OR1M1: variants seen among roughly 807,000 people sequenced by gnomAD.
OR1M1 encodes olfactory receptor family 1 subfamily M member 1.
For synonymous variants in OR1M1, 157 were observed against 165.5 expected (o/e 0.95, Z 0.39); for missense variants, 397 against 401.8 (o/e 0.99, Z 0.10).
In OR1M1 at chr19:9,093,222, A is replaced by C. The variant is rs1254016503; in HGVS notation, c.-13-10A>C. On this transcript the variant is annotated splice_polypyrimidine_tract_variant and intron_variant, in intron 1 of 1. Transcript: ENST00000641627. ...GTCATTCCTATAACCTCCCCTTTCCATACTTCCAGAGGAATCACACCCATG... is the reference window on the plus strand; with the variant it reads ...GTCATTCCTATAACCTCCCCTTTCCCTACTTCCAGAGGAATCACACCCATG... The C allele has an allele frequency of 6.5e-7, 1 of 1,530,236 alleles. No homozygotes were observed. Among genetic ancestry groups the C allele is most frequent in the South Asian group, 1.2e-5 (1 of 82,362 alleles). 94.8% of individuals were successfully genotyped at this position (1,530,236 alleles called of 1,614,324 possible). A position where few individuals can be genotyped will look rare whatever the true frequency, so the allele number is the denominator to read the frequency against.
At position 9,093,910 on chromosome 19, in the gene OR1M1, T is replaced by C; in HGVS notation, c.666T>C (p.Leu222=). 1 of 1,614,180 alleles carries C rather than the reference T, an allele frequency of 6.2e-7. No homozygotes were observed. The highest frequency in any genetic ancestry group is 8.5e-7 in the Non-Finnish European group (1 of 1,180,036). ...VCILASYARI[L]VAIMKVPSAG... ...TCCTGGCCTCCTATGCTCGCATCCT[T>C]GTGGCCATCATGAAGGTCCCCTCTG... Residue 222 remains leucine (L), a synonymous_variant, in exon 2 of 2, where the codon CTT becomes CTC. Transcript: ENST00000641627.
intron 1 of OR1M1, chr19:9,093,031 C>CTA (rs1357935929): frequency 3.7e-5 from 12 of 322,006 alleles, no homozygotes; most frequent in African/African-American, 1.6e-4. Flanking sequence ...CTCTCTCTCT[C>CTA]TCTCTCTATA....
chr19:9,094,519 C>T lies in OR1M1; in HGVS notation c.*333C>T, dbSNP rs1260481780. ...GGATTACAGGTGTGAGCTACCACGC[C>T]GAGCCTCACTTTGAATTTTTTGTTT... On this transcript the variant is annotated 3_prime_UTR_variant, in exon 2 of 2. Coordinates refer to ENST00000641627, the MANE Select transcript of OR1M1 (RefSeq NM_001004456.2). 5.6e-5 allele frequency: 11 copies of T among 196,358 alleles called. No homozygotes were observed. The East Asian group carries it at 1.4e-3, about 25-fold the overall frequency. 12.2% of individuals were successfully genotyped at this position (196,358 alleles called of 1,614,324 possible). A position where few individuals can be genotyped will look rare whatever the true frequency, so the allele number is the denominator to read the frequency against.
At position 9,094,516 on chromosome 19, in the gene OR1M1, C is replaced by T. The variant is rs766812560; in HGVS notation, c.*330C>T. 3.0e-5 allele frequency: 6 copies of T among 200,688 alleles called. No individual in the cohort carries two copies. The highest frequency in any genetic ancestry group is 2.0e-3 in the Middle Eastern group (1 of 504). 12.4% of individuals were successfully genotyped at this position (200,688 alleles called of 1,614,324 possible). ...CTAGGATTACAGGTGTGAGCTACCA[C>T]GCCGAGCCTCACTTTGAATTTTTTG... On this transcript the variant is annotated 3_prime_UTR_variant, in exon 2 of 2. Coordinates refer to ENST00000641627, the MANE Select transcript of OR1M1 (RefSeq NM_001004456.2).
At position 9,095,269 on chromosome 19, in the gene OR1M1, T is replaced by C. The variant is rs1210219721; in HGVS notation, c.*1083T>C. The C allele has an allele frequency of 6.6e-6, 1 of 152,254 alleles. No homozygotes were observed. Among genetic ancestry groups the C allele is most frequent in the Non-Finnish European group, 1.5e-5 (1 of 68,074 alleles). The allele number at this position is 152,254 out of a possible 1,614,324, so 9.4% of individuals were successfully genotyped here. On this transcript the variant is annotated 3_prime_UTR_variant, in exon 2 of 2. Coordinates refer to ENST00000641627, the MANE Select transcript of OR1M1 (RefSeq NM_001004456.2). ...CCACGCAGTCTGCGGTGTTTTGTTATAACCAGCCCTGGCCGAATAACACAG... is the reference window on the plus strand; with the variant it reads ...CCACGCAGTCTGCGGTGTTTTGTTACAACCAGCCCTGGCCGAATAACACAG...
chr19:9,091,692 G>A (rs752736815), intron 1 of OR1M1, among the ~76,000 whole-genome samples: 4 of 151,920 alleles, frequency 2.6e-5, no homozygotes, highest in African/African-American at 4.8e-5. Flanking sequence ...AAGGAAGTTC[G>A]ACTTGTAGAG....
In OR1M1 at chr19:9,093,376, C is replaced by T. The variant is rs139044493; in HGVS notation, c.132C>T (p.Leu44=). The T allele has an allele frequency of 8.1e-6, 13 of 1,613,916 alleles. No homozygotes were observed. The South Asian group carries it at 1.4e-4, about 18-fold the overall frequency. The change falls in exon 2 of 2, where the codon CTC becomes CTT. Residue 44 remains leucine, a synonymous_variant. Coordinates refer to ENST00000641627, the MANE Select transcript of OR1M1 (RefSeq NM_001004456.2). ...MYLVMVVGNL[L]IILAISIDSH... is the part of the protein sequence containing the mutation. ...TGGTCATGGTCGTGGGGAACCTGCT[C>T]ATCATCCTGGCCATCAGCATAGACT...
At position 9,093,286 on chromosome 19, in the gene OR1M1, C is replaced by T; in HGVS notation, c.42C>T (p.Leu14=). 1 of 1,613,662 alleles carries T rather than the reference C, an allele frequency of 6.2e-7. No homozygotes were observed. The highest frequency in any genetic ancestry group is 1.3e-5 in the African/African-American group (1 of 75,010). Residue 14 remains leucine, a synonymous_variant, in exon 2 of 2, where the codon CTC becomes CTT. Transcript: ENST00000641627. ...AAACCAGTGCATCTCAATTCATCCT[C>T]CTGGGACTCTCAGAAAAGCCAGAGC... ...RNQTSASQFI[L]LGLSEKPEQE...
intron 1 of OR1M1, among the ~76,000 whole-genome samples, chr19:9,087,512 C>T (rs2050270899): frequency 6.6e-6 from 1 of 152,096 alleles, no homozygotes; most frequent in African/African-American, 2.4e-5. Context: ...AGTGCAATGG[C>T]ACGATCTTGG....
rs1034849622 is a variant in OR1M1, at chr19:9,095,572, TA to T, written c.*1387del. ...CGGCTAATTTATTTTTATTTGTATA[TA>T]TTTTTTTGGTAGAGATGGGGTCTCA... On this transcript the variant is annotated 3_prime_UTR_variant, in exon 2 of 2. Transcript: ENST00000641627. 6 of 151,982 alleles carry T rather than the reference TA, an allele frequency of 3.9e-5. No homozygotes were observed. The highest frequency in any genetic ancestry group is 7.2e-5 in the African/African-American group (3 of 41,382). The allele number at this position is 151,982 out of a possible 1,614,324, so 9.4% of individuals were successfully genotyped here.
chr19:9,094,450 C>A lies in OR1M1; in HGVS notation c.*264C>A. On this transcript the variant is annotated 3_prime_UTR_variant, in exon 2 of 2. Coordinates refer to ENST00000641627, the MANE Select transcript of OR1M1 (RefSeq NM_001004456.2). ...AATTTGGCCAGGCTGGTCTGGAACT[C>A]CTGGGCTCAAGCAGTACTTCCCCCT... 1 of 314,948 alleles carries A rather than the reference C, an allele frequency of 3.2e-6. No individual in the cohort carries two copies. The highest frequency in any genetic ancestry group is 5.8e-6 in the Non-Finnish European group (1 of 172,704). 19.5% of individuals were successfully genotyped at this position (314,948 alleles called of 1,614,324 possible). A position where few individuals can be genotyped will look rare whatever the true frequency, so the allele number is the denominator to read the frequency against.
rs1011480227 is a variant in OR1M1, at chr19:9,092,906, T to A, written c.-13-326T>A. Among the ~76,000 whole-genome samples, 11 of 149,384 alleles carry A rather than the reference T, an allele frequency of 7.4e-5. No individual in the cohort carries two copies. In the East Asian group the frequency reaches 1.6e-3, roughly 21 times the overall value. On this transcript the variant is annotated intron_variant, in intron 1 of 1. Coordinates refer to ENST00000641627, the MANE Select transcript of OR1M1 (RefSeq NM_001004456.2). ...ACAAAGCAAGACTCTGTCTCAAAAATATATATATATGTATATATACATAAT... is the reference window on the plus strand; with the variant it reads ...ACAAAGCAAGACTCTGTCTCAAAAAAATATATATATGTATATATACATAAT...
At position 9,093,914 on chromosome 19, in the gene OR1M1, G is replaced by A. The variant is rs1282067278; in HGVS notation, c.670G>A (p.Ala224Thr). The A allele has an allele frequency of 1.2e-6, 2 of 1,614,130 alleles. No individual in the cohort carries two copies. The highest frequency in any genetic ancestry group is 1.7e-6 in the Non-Finnish European group (2 of 1,180,032). ...GGCCTCCTATGCTCGCATCCTTGTG[G>A]CCATCATGAAGGTCCCCTCTGCAGG... ...ILASYARILV[A>T]IMKVPSAGGR... The change falls in exon 2 of 2, where the codon GCC (alanine) becomes ACC (threonine). Residue 224 changes from alanine (A) to threonine (T), a missense_variant. By Grantham distance (58) the Ala-to-Thr change is moderately conservative. Coordinates refer to ENST00000641627, the MANE Select transcript of OR1M1 (RefSeq NM_001004456.2).
At chr19:9,089,974 C>T (rs1444443552) in intron 1 of OR1M1, among the ~76,000 whole-genome samples, 2 of 152,190 alleles carry the variant, frequency 1.3e-5, no homozygotes. Flanking sequence ...ATCCAGCCAC[C>T]TGCTCTCAGT....
chr19:9,087,793 A>C (rs545732832), intron 1 of OR1M1, among the ~76,000 whole-genome samples: 6 of 152,234 alleles, frequency 3.9e-5, no homozygotes, highest in African/African-American at 1.4e-4. Flanking sequence ...CCAGAATCCA[A>C]TGGCTCTTCT....
intron 1 of OR1M1, among the ~76,000 whole-genome samples, chr19:9,090,505 G>T (rs1212657770): frequency 6.6e-6 from 1 of 152,136 alleles, no homozygotes; most frequent in African/African-American, 2.4e-5. Context: ...TTGCTGCCCA[G>T]GCAGGAGTGC....
rs1458640368 is a variant in OR1M1 at position 9,093,597 on chromosome 19, TG to T, written c.355del (p.Ala119LeufsTer18). 1 of 1,614,032 alleles carries T rather than the reference TG, an allele frequency of 6.2e-7. No individual in the cohort carries two copies. ...GIVDSVIIAMMAYDRFVAICH... is the reference protein window; with the variant it reads ...GIVDSVIIAMXAYDRFVAICH... ...GTGGACAGCGTCATAATCGCCATGA[TG>T]GCTTATGACCGGTTCGTGGCCATCT... On this transcript the variant is annotated frameshift_variant, in exon 2 of 2. Transcript: ENST00000641627. LOFTEE classifies it low-confidence loss of function (END_TRUNC).
rs371000173 is a variant in OR1M1 at position 9,093,052 on chromosome 19, T to C, written c.-13-180T>C. The stretch of plus-strand genomic sequence containing the variant: ...CTCTCTCTCTCTATATATATATATA[T>C]ACACACACACATATATATTCTATAT... On this transcript the variant is annotated intron_variant, in intron 1 of 1. Transcript: ENST00000641627. The C allele has an allele frequency of 5.5e-4, 187 of 342,604 alleles. 1 individual carries two copies. Among genetic ancestry groups the C allele is most frequent in the East Asian group, 3.3e-3 (72 of 21,980 alleles). The allele number at this position is 342,604 out of a possible 1,614,324, so 21.2% of individuals were successfully genotyped here.
At chr19:9,089,566 G>A (rs2050282285) in intron 1 of OR1M1, among the ~76,000 whole-genome samples, 1 of 151,924 alleles carries the variant, frequency 6.6e-6, no homozygotes, top group Non-Finnish European at 1.5e-5. Context: ...CAGGATTACA[G>A]GGGCCCACCA....
Sources: allele counts gnomAD v4.1 joint callset (sites outside exome capture counted in the v4.1 genomes callset), GRCh38; gene constraint gnomAD v4.1.1; transcripts MANE v1.5; gene names NCBI Gene and HGNC (gene_info 2026-07-23, HGNC 2026-07-21).